The following PRKG1 variants were observed in gnomAD, a reference collection of about 807,000 sequenced individuals.
The protein encoded by PRKG1 is protein kinase cGMP-dependent 1.
Under a neutral mutation model 88.1 loss-of-function variants are expected in PRKG1, and 35 were observed. The observed-to-expected ratio is 0.40, with a 90% CI of 0.30 to 0.53. PRKG1 has a LOEUF of 0.53. Ranked by LOEUF, PRKG1 falls within the 20% of genes least tolerant of loss-of-function variation. PRKG1 has a pLI of 0.59. For missense variants in PRKG1, 540 were observed against 839.8 expected (o/e 0.64, Z 4.41); for synonymous variants, 303 against 292.5 (o/e 1.04, Z -0.37).
intron 3 of PRKG1, among the ~76,000 whole-genome samples, chr10:51,674,502 TTATGA>T (rs772110540): frequency 1.3e-5 from 2 of 152,218 alleles, no homozygotes; most frequent in Non-Finnish European, 2.9e-5. Flanking sequence ...ATTAAATTTC[TTATGA>T]TATGAAAAAA....
intron 5 of PRKG1, among the ~76,000 whole-genome samples, chr10:51,952,755 G>A (rs1843215347): frequency 6.6e-6 from 1 of 152,090 alleles, no homozygotes; most frequent in Non-Finnish European, 1.5e-5. Flanking sequence ...TAATTATGTA[G>A]CATTGAACCA....
intron 2 of PRKG1, among the ~76,000 whole-genome samples, chr10:51,182,782 T>G (rs1837381353): frequency 6.6e-6 from 1 of 152,170 alleles, no homozygotes; most frequent in African/African-American, 2.4e-5. Flanking sequence ...CCCAGCAACT[T>G]TAAAGTCCAG....
At chr10:51,872,238 C>T (rs1295550107) in intron 4 of PRKG1, among the ~76,000 whole-genome samples, 1 of 152,182 alleles carries the variant, frequency 6.6e-6, no homozygotes, top group Non-Finnish European at 1.5e-5. Context: ...TCTTAGCTGT[C>T]GTATGACTTG....
chr10:51,318,696 AT>A (rs1334243374), intron 2 of PRKG1, among the ~76,000 whole-genome samples: 4 of 152,162 alleles, frequency 2.6e-5, no homozygotes, highest in Non-Finnish European at 5.9e-5. Flanking sequence ...CATTGAAAGA[AT>A]TTTTTTCATA....
intron 3 of PRKG1, among the ~76,000 whole-genome samples, chr10:51,524,430 A>G (rs988808125): frequency 1.1e-4 from 16 of 152,338 alleles, no homozygotes; most frequent in East Asian, 7.7e-4. Context: ...CCATTCTTGG[A>G]CAAAAACACC....
At chr10:51,200,122 TG>T (rs2132054439) in intron 2 of PRKG1, among the ~76,000 whole-genome samples, 1 of 152,280 alleles carries the variant, frequency 6.6e-6, no homozygotes, top group Admixed American at 6.5e-5. Flanking sequence ...AGAAAATTTA[TG>T]AGGTGAAAAA....
In PRKG1 at chr10:51,213,469, T is replaced by TAA. The variant is rs113937123; in HGVS notation, c.478+60146_478+60147dup. On this transcript the variant is annotated intron_variant, in intron 2 of 17. Transcript: ENST00000373980. Reference sequence around the variant, plus strand: ...TACCCTAAAACTTAAAGTATAATAATAAAAAAAATGAGTAGTTATATATGT... The same window carrying TAA: ...TACCCTAAAACTTAAAGTATAATAATAAAAAAAAAATGAGTAGTTATATATGT... Among the ~76,000 whole-genome samples, 264 of 151,962 alleles carry TAA rather than the reference T, an allele frequency of 1.7e-3. 1 individual carries two copies. Among genetic ancestry groups the TAA allele is most frequent in the African/African-American group, 6.0e-3 (250 of 41,468 alleles).
At chr10:51,229,740 G>GA (rs1838785683) in intron 2 of PRKG1, among the ~76,000 whole-genome samples, 1 of 151,818 alleles carries the variant, frequency 6.6e-6, no homozygotes, top group South Asian at 2.1e-4. Flanking sequence ...TCTGACCTGG[G>GA]AAACGTGGCA....
At chr10:51,600,393 A>C (rs933445292) in intron 3 of PRKG1, among the ~76,000 whole-genome samples, 1 of 152,186 alleles carries the variant, frequency 6.6e-6, no homozygotes, top group Non-Finnish European at 1.5e-5. Flanking sequence ...TAAAGCTGGA[A>C]GTTGGGATAC....
intron 9 of PRKG1, among the ~76,000 whole-genome samples, chr10:52,213,858 T>G (rs921768840): frequency 6.6e-6 from 1 of 152,188 alleles, no homozygotes; most frequent in African/African-American, 2.4e-5. Context: ...CCATTATAAA[T>G]AACTTATAAA....
intron 3 of PRKG1, among the ~76,000 whole-genome samples, chr10:51,684,205 A>AT (rs1056827577): frequency 2.4e-4 from 36 of 152,292 alleles, no homozygotes; most frequent in African/African-American, 6.3e-4. Flanking sequence ...ACATGGATAA[A>AT]TTTTTTTTAA....
chr10:51,730,828 CAGG>C (rs1206504639), intron 3 of PRKG1, among the ~76,000 whole-genome samples: 11 of 152,248 alleles, frequency 7.2e-5, no homozygotes, highest in Admixed American at 2.6e-4. Flanking sequence ...GATATATGAT[CAGG>C]AGGAGGAGAC....
chr10:52,079,445 C>CA (rs755893310), intron 7 of PRKG1, among the ~76,000 whole-genome samples: 6 of 152,146 alleles, frequency 3.9e-5, no homozygotes, highest in Non-Finnish European at 8.8e-5. Flanking sequence ...TGGGGTCAGA[C>CA]AGATATGTCC....
intron 2 of PRKG1, among the ~76,000 whole-genome samples, chr10:51,305,543 C>A (rs1055174592): frequency 1.6e-4 from 24 of 152,226 alleles, no homozygotes; most frequent in Non-Finnish European, 2.9e-4. Context: ...AAAACAAAAA[C>A]TTTCTAAGAC....
chr10:51,426,030 C>G (rs1007024588), intron 2 of PRKG1, among the ~76,000 whole-genome samples: 1 of 152,178 alleles, frequency 6.6e-6, no homozygotes, highest in East Asian at 1.9e-4. Flanking sequence ...AATCCCAGCA[C>G]TTTGGGAGGC....
intron 9 of PRKG1, among the ~76,000 whole-genome samples, chr10:52,234,296 C>G (rs370337030): frequency 6.6e-6 from 1 of 152,180 alleles, no homozygotes; most frequent in East Asian, 1.9e-4. Flanking sequence ...TCACCAGCAA[C>G]GGAACAAAGC....
intron 4 of PRKG1, among the ~76,000 whole-genome samples, chr10:51,854,863 T>C (rs895954199): frequency 6.6e-6 from 1 of 151,920 alleles, no homozygotes; most frequent in Non-Finnish European, 1.5e-5. Flanking sequence ...GCAAAAAATA[T>C]ATATACTGAG....
At chr10:51,339,648 A>G (rs1006889130) in intron 2 of PRKG1, among the ~76,000 whole-genome samples, 7 of 151,984 alleles carry the variant, frequency 4.6e-5, no homozygotes, top group Non-Finnish European at 1.0e-4. Context: ...TCCTTTGCAT[A>G]TAAGTTCGTG....
chr10:51,363,942 T>C (rs2132592828), intron 2 of PRKG1, among the ~76,000 whole-genome samples: 1 of 152,094 alleles, frequency 6.6e-6, no homozygotes, highest in Admixed American at 6.6e-5. Context: ...CTTTGTTCTG[T>C]ACAAATGGAA....
Sources: gnomAD v4.1 joint callset for allele counts (sites outside exome capture counted in the v4.1 genomes callset) on GRCh38, gnomAD v4.1.1 for gene constraint, MANE v1.5 for transcripts, NCBI Gene and HGNC (gene_info 2026-07-23, HGNC 2026-07-21) for gene names.